The following BABAM2 variants were observed in gnomAD, a reference collection of about 807,000 sequenced individuals.
BABAM2 encodes the protein BRISC and BRCA1-A complex member 2.
A neutral mutation model predicts 54.7 loss-of-function variants in BABAM2; 31 were observed. That is an observed-to-expected ratio of 0.57 (90% CI 0.43 to 0.77). The LOEUF (loss-of-function observed/expected upper bound fraction) is 0.77, where lower values mean the gene tolerates loss of function less well. Ranked by LOEUF, BABAM2 falls within the 30% of genes least tolerant of loss-of-function variation. The pLI is 0.00. For missense variants in BABAM2, 364 were observed against 455.8 expected, an observed-to-expected ratio of 0.80 and a Z score of 1.83; for synonymous variants, 167 against 162.9, an observed-to-expected ratio of 1.03 and a Z score of -0.19.
intron 11 of BABAM2, among the ~76,000 whole-genome samples, chr2:28,320,042 G>A (rs947353632): frequency 3.3e-5 from 5 of 152,128 alleles, no homozygotes; most frequent in African/African-American, 1.2e-4. Flanking sequence ...GTGCTGCAGT[G>A]TTGTGGTCAG....
intron 6 of BABAM2, among the ~76,000 whole-genome samples, chr2:28,075,119 G>C (rs183551150): frequency 1.3e-5 from 2 of 152,256 alleles, no homozygotes; most frequent in Admixed American, 6.5e-5. Flanking sequence ...TAAGAAGGCA[G>C]CTGTTGCCCT....
At chr2:28,180,956 C>G (rs955547898) in intron 7 of BABAM2, among the ~76,000 whole-genome samples, 2 of 151,984 alleles carry the variant, frequency 1.3e-5, no homozygotes, top group Admixed American at 1.3e-4. Flanking sequence ...AAGACAAAAA[C>G]AACAGATGTC....
At chr2:28,048,957 T>G (rs900082482) in intron 6 of BABAM2, among the ~76,000 whole-genome samples, 7 of 152,234 alleles carry the variant, frequency 4.6e-5, no homozygotes, top group Non-Finnish European at 8.8e-5. Flanking sequence ...CTTAACAATA[T>G]GATGCTAAGA....
chr2:28,018,222 G>A (rs1232232009), intron 4 of BABAM2, among the ~76,000 whole-genome samples: 2 of 152,038 alleles, frequency 1.3e-5, no homozygotes, highest in Admixed American at 6.6e-5. Context: ...TTGTGTCCTC[G>A]TAGCTTAGCT....
intron 7 of BABAM2, among the ~76,000 whole-genome samples, chr2:28,229,056 C>T (rs1257592766): frequency 6.6e-6 from 1 of 152,168 alleles, no homozygotes; most frequent in East Asian, 1.9e-4. Context: ...GAACTAATCA[C>T]TTCAGTTCAG....
At chr2:28,010,462 A>G (rs1320411312) in intron 4 of BABAM2, among the ~76,000 whole-genome samples, 3 of 152,134 alleles carry the variant, frequency 2.0e-5, no homozygotes, top group African/African-American at 7.2e-5. Flanking sequence ...AGAAAACCCA[A>G]ACCAAATCTA....
intron 11 of BABAM2, among the ~76,000 whole-genome samples, chr2:28,319,041 G>C (rs1689804347): frequency 6.6e-6 from 1 of 152,204 alleles, no homozygotes; most frequent in Admixed American, 6.5e-5. Context: ...CTGTGGCCAG[G>C]AGAACAAGAA....
At position 28,085,300 on chromosome 2, in the gene BABAM2, C is replaced by T. The variant is rs144446416; in HGVS notation, c.570+39501C>T. 3.3e-3 allele frequency among the ~76,000 whole-genome samples: 510 copies of T among 152,248 alleles called. 8 individuals are homozygous for T. The highest frequency in any genetic ancestry group is 0.012 in the African/African-American group (482 of 41,558). Reference sequence around the variant, plus strand: ...ATTTTGTCTCTGTTAATGTTTTACTCAAGTAACAGTAAATCTTTTAAGTCC... The same window carrying T: ...ATTTTGTCTCTGTTAATGTTTTACTTAAGTAACAGTAAATCTTTTAAGTCC... On this transcript the variant is annotated intron_variant, in intron 6 of 11. Coordinates refer to ENST00000379624, the MANE Select transcript of BABAM2 (RefSeq NM_199191.3).
At chr2:27,904,643 AG>A (rs1666066510) in intron 2 of BABAM2, among the ~76,000 whole-genome samples, 2 of 152,246 alleles carry the variant, frequency 1.3e-5, no homozygotes, top group Admixed American at 6.5e-5. Flanking sequence ...AGACAATGCA[AG>A]GTACAGAAGA....
intron 6 of BABAM2, among the ~76,000 whole-genome samples, chr2:28,047,026 G>T (rs1677633943): frequency 6.6e-6 from 1 of 151,878 alleles, no homozygotes; most frequent in Non-Finnish European, 1.5e-5. Context: ...CACTGTTCCT[G>T]GTCTATACAG....
chr2:28,247,718 G>T (rs914022468), intron 10 of BABAM2, among the ~76,000 whole-genome samples: 2 of 152,042 alleles, frequency 1.3e-5, no homozygotes, highest in Non-Finnish European at 2.9e-5. Flanking sequence ...TATTCTCCTC[G>T]GGCCCAGGAT....
intron 7 of BABAM2, among the ~76,000 whole-genome samples, chr2:28,210,468 G>GCA (rs1679344799): frequency 6.6e-6 from 1 of 152,152 alleles, no homozygotes; most frequent in African/African-American, 2.4e-5. Context: ...GTATGGTGAT[G>GCA]GTTGAGCTAA....
At chr2:28,010,199 C>A (rs1397906465) in intron 4 of BABAM2, among the ~76,000 whole-genome samples, 3 of 151,996 alleles carry the variant, frequency 2.0e-5, no homozygotes, top group Admixed American at 6.6e-5. Flanking sequence ...AATCAAATAC[C>A]TTATTGGTGT....
At chr2:28,060,358 A>T (rs1205304458) in intron 6 of BABAM2, among the ~76,000 whole-genome samples, 1 of 152,190 alleles carries the variant, frequency 6.6e-6, no homozygotes, top group East Asian at 1.9e-4. Context: ...CCTCAACCTG[A>T]TAGAAGTACA....
chr2:28,210,603 A>G (rs978504268), intron 7 of BABAM2, among the ~76,000 whole-genome samples: 1 of 152,200 alleles, frequency 6.6e-6, no homozygotes, highest in Non-Finnish European at 1.5e-5. Flanking sequence ...TTTTCAATGA[A>G]AAAAGAATCA....
intron 7 of BABAM2, among the ~76,000 whole-genome samples, chr2:28,226,461 A>C (rs982581821): frequency 1.3e-5 from 2 of 152,222 alleles, no homozygotes; most frequent in African/African-American, 4.8e-5. Context: ...TCTTGCTAAG[A>C]ATAATGAGGT....
rs571449571 is a variant in BABAM2, at chr2:28,039,867, T to A, written c.496-5858T>A. On this transcript the variant is annotated intron_variant, in intron 5 of 11. Coordinates refer to ENST00000379624, the MANE Select transcript of BABAM2 (RefSeq NM_199191.3). ...TTGCTAATGCTGGGGAAATTGCCAT[T>A]AAGACAGTTGGCAGAAAGGCTGACA... Among the ~76,000 whole-genome samples the A allele has an allele frequency of 8.1e-4, 123 of 152,316 alleles. 1 individual carries two copies. The highest frequency in any genetic ancestry group is 1.4e-3 in the Non-Finnish European group (94 of 68,024).
At chr2:28,146,040 A>C (rs2147760734) in intron 7 of BABAM2, among the ~76,000 whole-genome samples, 1 of 152,340 alleles carries the variant, frequency 6.6e-6, no homozygotes, top group African/African-American at 2.4e-5. Flanking sequence ...TGCTGTGAAT[A>C]TTCATGTTAA....
In BABAM2 at chr2:28,325,637, G is replaced by T. The variant is rs182451660; in HGVS notation, c.1089-12813G>T. On this transcript the variant is annotated intron_variant, in intron 11 of 11. Transcript: ENST00000379624. This position sits in a 1 kb window ranked among gnomAD's most constrained non-coding sequence, Gnocchi z 4.3. ...TGTCTGAAAGCCCAGAGAGCCAGGT[G>T]TCTGCGGTGTGATTTCAGCTGTCAG... Among the ~76,000 whole-genome samples the T allele has an allele frequency of 4.6e-5, 7 of 152,328 alleles. 1 individual carries two copies. The highest frequency in any genetic ancestry group is 1.7e-4 in the African/African-American group (7 of 41,576).
Sources: allele counts gnomAD v4.1 joint callset (sites outside exome capture counted in the v4.1 genomes callset), GRCh38; gene constraint gnomAD v4.1.1; non-coding constraint Gnocchi (gnomAD v3.1); transcripts MANE v1.5; gene names NCBI Gene and HGNC (gene_info 2026-07-23, HGNC 2026-07-21).